Variants in MYH16 observed in about 807,000 individuals in gnomAD.
MYH16 encodes myosin heavy chain 16.
intron 38 of MYH16, 82 bp from the exon 20 acceptor site, chr7:99,302,983 G>T (rs1215965787): frequency 6.6e-6 from 1 of 152,550 alleles, no homozygotes; most frequent in Non-Finnish European, 1.5e-5. Flanking sequence ...AGCATGTCTG[G>T]CAGAGGTCAT....
At chr7:99,287,063 G>T (rs77537861) in intron 28 of MYH16, among the ~76,000 whole-genome samples, 2 of 152,328 alleles carry the variant, frequency 1.3e-5, no homozygotes, top group East Asian at 1.9e-4. Flanking sequence ...GCAGACAGCT[G>T]GGGGGAAGAA....
At position 99,304,771 on chromosome 7, in the gene MYH16, G is replaced by A. The variant is rs1410996087; in HGVS notation, n.5434+15G>A. 6.5e-6 allele frequency: 1 copy of A among 152,810 alleles called. No individual in the cohort carries two copies. The highest frequency in any genetic ancestry group is 1.5e-5 in the Non-Finnish European group (1 of 68,120). The allele number at this position is 152,810 out of a possible 1,614,324, so 9.5% of individuals were successfully genotyped here. ...TGGAGGCCAGGGTAAGGGCGATGCA[G>A]GGCTCAGCCAAGGGAGGAATGGGGA... On this transcript the variant is annotated intron_variant and non_coding_transcript_variant, in intron 40 of 41. Coordinates refer to ENST00000439784, the Ensembl canonical transcript of MYH16.
intron 1 of MYH16, among the ~76,000 whole-genome samples, chr7:99,240,814 T>G (rs1435643692): frequency 6.8e-6 from 1 of 146,244 alleles, no homozygotes; most frequent in East Asian, 2.0e-4. Flanking sequence ...CACTCCAGCC[T>G]GGGTGACAGA....
chr7:99,282,477 A>T (rs905430418), intron 23 of MYH16, among the ~76,000 whole-genome samples: 30 of 151,002 alleles, frequency 2.0e-4, no homozygotes, highest in African/African-American at 4.6e-4. Context: ...ATTTTTTTTT[A>T]TTTTTATTTT....
chr7:99,310,590 A>G (rs116345044), downstream of MYH16: 1 of 152,330 alleles, frequency 6.6e-6, no homozygotes, highest in African/African-American at 2.4e-5. Flanking sequence ...AGTATCCATT[A>G]CTAGGAAGGA....
At chr7:99,264,535 GA>G (rs1187595989) in intron 15 of MYH16, among the ~76,000 whole-genome samples, 2 of 152,196 alleles carry the variant, frequency 1.3e-5, no homozygotes, top group Admixed American at 6.5e-5. Flanking sequence ...GTGATCACGC[GA>G]GATAGCAATG....
chr7:99,294,053 A>C (rs569978916), exon 33 of MYH16: 14 of 455,678 alleles, frequency 3.1e-5, no homozygotes, highest in Admixed American at 1.4e-4. Context: ...GAGGCAGAAG[A>C]AGCAGCTGAA....
intron 20 of MYH16, among the ~76,000 whole-genome samples, chr7:99,277,222 T>C (rs1412445269): frequency 6.6e-6 from 1 of 152,128 alleles, no homozygotes; most frequent in Admixed American, 6.5e-5. Context: ...CTACACAACA[T>C]GCAGAACAGA....
chr7:99,290,265 C>T (rs2150826903), intron 30 of MYH16, among the ~76,000 whole-genome samples: 2 of 152,180 alleles, frequency 1.3e-5, no homozygotes, highest in East Asian at 3.9e-4. Context: ...GGGAGGATTA[C>T]TTGAGGCCAG....
intron 26 of MYH16, 21 bp downstream of exon 8, chr7:99,284,956 C>A (rs902252583): frequency 4.8e-5 from 22 of 456,484 alleles, no homozygotes; most frequent in Admixed American, 2.6e-4. Flanking sequence ...GACCGAGAAG[C>A]ATGAGCTCTC....
chr7:99,256,103 T>G (rs1791869114), intron 9 of MYH16, among the ~76,000 whole-genome samples: 1 of 151,906 alleles, frequency 6.6e-6, no homozygotes, highest in African/African-American at 2.4e-5. Flanking sequence ...TCCTGATTTA[T>G]CTTTGCCTTC....
intron 40 of MYH16, among the ~76,000 whole-genome samples, chr7:99,305,436 C>T (rs781381720): frequency 7.2e-5 from 11 of 152,122 alleles, no homozygotes; most frequent in Non-Finnish European, 1.3e-4. Flanking sequence ...GCTGGAAGGG[C>T]CCAGAAGATT....
At chr7:99,274,995 A>C (rs2150817421) in intron 20 of MYH16, among the ~76,000 whole-genome samples, 1 of 150,190 alleles carries the variant, frequency 6.7e-6, no homozygotes, top group Non-Finnish European at 1.5e-5. Flanking sequence ...TTATTTTGGA[A>C]AAAAAAAATT....
intron 9 of MYH16, among the ~76,000 whole-genome samples, chr7:99,255,938 A>G (rs1217200162): frequency 1.3e-5 from 2 of 152,020 alleles, no homozygotes; most frequent in South Asian, 2.1e-4. Flanking sequence ...ACCCCATGCA[A>G]CTTTTCCTCC....
exon 32 of MYH16, chr7:99,292,464 C>T (rs760220593): frequency 2.6e-5 from 12 of 468,860 alleles, no homozygotes; most frequent in South Asian, 7.6e-5. Context: ...GGACCAAGTA[C>T]GAGACCGATG....
chr7:99,260,275 G>C (rs142091146), exon 12 of MYH16: 4 of 1,582,410 alleles, frequency 2.5e-6, no homozygotes, highest in East Asian at 4.5e-5. Context: ...GGAAGGCATC[G>C]AGTGGGTCTT....
chr7:99,292,203 TC>T, intron 31 of MYH16, 108 bp from the exon 13 acceptor site: 2 of 355,950 alleles, frequency 5.6e-6, no homozygotes. Context: ...ATGTTTCTTT[TC>T]CCCCTTTCGC....
At chr7:99,244,125 C>T (rs1402097885) in intron 2 of MYH16, among the ~76,000 whole-genome samples, 1 of 152,050 alleles carries the variant, frequency 6.6e-6, no homozygotes, top group Admixed American at 6.6e-5. Flanking sequence ...AAACATCCAT[C>T]CATCCATCAA....
chr7:99,292,139 G>T (rs1792390995), intron 31 of MYH16, among the ~76,000 whole-genome samples, 173 bp from the exon 13 acceptor site: 1 of 152,234 alleles, frequency 6.6e-6, no homozygotes, highest in Admixed American at 6.5e-5. Flanking sequence ...ATAATAGAAA[G>T]AAAAGAAGTC....
Sources: gnomAD v4.1 joint callset for allele counts (sites outside exome capture counted in the v4.1 genomes callset) on GRCh38, gnomAD v4.1.1 for gene constraint, MANE v1.5 for transcripts, NCBI Gene and HGNC (gene_info 2026-07-23, HGNC 2026-07-21) for gene names.